Variants in BEAN1 observed in about 807,000 individuals in gnomAD.
BEAN1 encodes brain expressed associated with NEDD4 1, also known as protein BEAN1.
Under a neutral mutation model 17.7 loss-of-function variants are expected in BEAN1, and 17 were observed. The observed-to-expected ratio is 0.96, with a 90% CI of 0.66 to 1.44. The LOEUF is 1.44. Among genes scored for constraint, BEAN1 ranks in the 40% most tolerant of loss-of-function variants. The pLI is 0.00. For synonymous variants in BEAN1, 142 were observed against 151.8 expected (o/e 0.94, Z 0.47); for missense variants, 359 against 374.1 (o/e 0.96, Z 0.33).
At chr16:66,439,400 G>A (rs1176293773) in intron 2 of BEAN1, among the ~76,000 whole-genome samples, 1 of 152,208 alleles carries the variant, frequency 6.6e-6, no homozygotes, top group East Asian at 1.9e-4. Flanking sequence ...CACTGGGATG[G>A]TCATGTTCTT....
chr16:66,494,198 T>G (rs1295585596), downstream of BEAN1, among the ~76,000 whole-genome samples: 1 of 152,148 alleles, frequency 6.6e-6, no homozygotes, highest in African/African-American at 2.4e-5. Context: ...GGAGAGGTGC[T>G]AGACCTGGGA....
intron 4 of BEAN1, 108 bp downstream of exon 4, chr16:66,477,818 G>T: frequency 5.5e-6 from 7 of 1,283,248 alleles, no homozygotes; most frequent in Non-Finnish European, 7.2e-6. Flanking sequence ...TCGTATAAAT[G>T]CAGAAAACAT....
At chr16:66,477,965 C>A in intron 4 of BEAN1, 1 of 359,454 alleles carries the variant, frequency 2.8e-6, no homozygotes, top group Non-Finnish European at 5.0e-6. Flanking sequence ...GTTGAGTAGG[C>A]ATGCCGGGAA....
intron 2 of BEAN1, among the ~76,000 whole-genome samples, chr16:66,458,578 C>T (rs1239068765): frequency 1.5e-5 from 1 of 67,602 alleles, no homozygotes; most frequent in African/African-American, 6.0e-5. Context: ...CACCCCCAAA[C>T]CCCTCAGCCC....
At chr16:66,480,459 G>A (rs1963941690) in intron 4 of BEAN1, 127 bp from the exon 5 acceptor site, 1 of 702,088 alleles carries the variant, frequency 1.4e-6, no homozygotes, top group South Asian at 2.0e-5. Flanking sequence ...ATTGGAGCCA[G>A]CGTGGACAAG....
Position 66,459,796 on chromosome 16 carries a change from C to T in BEAN1, c.26-9806C>T, listed in dbSNP as rs560284484. 7.2e-5 allele frequency among the ~76,000 whole-genome samples: 11 copies of T among 152,314 alleles called. No homozygotes were observed. The South Asian group carries it at 8.3e-4, about 11-fold the overall frequency. ...TTCTCCTATAATGGAATTTGCCAGA[C>T]GGATTTATCACTGATGGGCAGCCCA... is the stretch of plus-strand genomic sequence containing the variant. On this transcript the variant is annotated intron_variant, in intron 2 of 4. Transcript: ENST00000536005.
downstream of BEAN1, among the ~76,000 whole-genome samples, chr16:66,495,004 G>A (rs1461773168): frequency 6.6e-6 from 1 of 152,170 alleles, no homozygotes; most frequent in Non-Finnish European, 1.5e-5. Flanking sequence ...AATTAAATAG[G>A]TGAAGGTCCC....
chr16:66,439,533 A>C (rs1273584422), intron 2 of BEAN1, among the ~76,000 whole-genome samples: 2 of 152,106 alleles, frequency 1.3e-5, no homozygotes, highest in African/African-American at 4.8e-5. Context: ...AGGCCATTGG[A>C]AGCTGGGTCC....
chr16:66,462,833 G>A (rs1963134516), intron 2 of BEAN1, among the ~76,000 whole-genome samples: 1 of 151,888 alleles, frequency 6.6e-6, no homozygotes, highest in African/African-American at 2.4e-5. Context: ...TGGGATATCT[G>A]CCTTCAAAGA....
At chr16:66,474,984 G>A (rs936510578) in intron 3 of BEAN1, among the ~76,000 whole-genome samples, 6 of 152,204 alleles carry the variant, frequency 3.9e-5, no homozygotes, top group African/African-American at 1.4e-4. Context: ...GAGCACAGCA[G>A]GTGCTCATGA....
intron 2 of BEAN1, chr16:66,451,316 C>T (rs1456747052): frequency 6.6e-6 from 1 of 152,250 alleles, no homozygotes; most frequent in Admixed American, 6.5e-5. Flanking sequence ...TTTAGAGAAT[C>T]TTCTTTCAAA....
Position 66,473,149 on chromosome 16 carries a change from T to C in BEAN1, c.289+3284T>C, listed in dbSNP as rs1223351817. 1.3e-5 allele frequency among the ~76,000 whole-genome samples: 2 copies of C among 152,204 alleles called. No homozygotes were observed. The highest frequency in any genetic ancestry group is 2.9e-5 in the Non-Finnish European group (2 of 68,030). On this transcript the variant is annotated intron_variant, in intron 3 of 4. Coordinates refer to ENST00000536005, the MANE Select transcript of BEAN1 (RefSeq NM_001178020.3). This position sits in a 1 kb window ranked among gnomAD's most constrained non-coding sequence, Gnocchi z 4.5. ...AGCTGAGAGGGCTGAGGGGTTGGCC[T>C]TGGCGCAGAGGAAAGAGATGGGCTT...
rs1962029019 is a variant in BEAN1 at position 66,436,511 on chromosome 16, C to G, written c.-82-1084C>G. Among the ~76,000 whole-genome samples, 5 of 151,038 alleles carry G rather than the reference C, an allele frequency of 3.3e-5. No individual in the cohort carries two copies. In the South Asian group the frequency reaches 1.1e-3, roughly 32 times the overall value. ...GCCAGGATGGTCTCGATCTCCTGAC[C>G]TTATGATCTGCCCGCCTCGGCCTCC... is the stretch of plus-strand genomic sequence containing the variant. On this transcript the variant is annotated intron_variant, in intron 1 of 4. Transcript: ENST00000536005.
intron 3 of BEAN1, among the ~76,000 whole-genome samples, chr16:66,476,109 C>CA (rs543784605): frequency 0.013 from 1,054 of 82,952 alleles, 10 homozygotes; most frequent in African/African-American, 0.026. Flanking sequence ...GACTCCGTCT[C>CA]AAAAAAAAAA....
chr16:66,469,437 G>C (rs1393264769), intron 2 of BEAN1, among the ~76,000 whole-genome samples, 165 bp from the exon 3 acceptor site: 1 of 152,170 alleles, frequency 6.6e-6, no homozygotes, highest in Non-Finnish European at 1.5e-5. Flanking sequence ...GTGAGGTGCT[G>C]CTCTCCTTCT....
At chr16:66,469,441 T>G (rs1310902461) in intron 2 of BEAN1, among the ~76,000 whole-genome samples, 161 bp from the exon 3 acceptor site, 1 of 152,162 alleles carries the variant, frequency 6.6e-6, no homozygotes, top group Non-Finnish European at 1.5e-5. Context: ...GGTGCTGCTC[T>G]CCTTCTCCCC....
intron 2 of BEAN1, among the ~76,000 whole-genome samples, chr16:66,457,708 C>G (rs1022927527): frequency 6.6e-6 from 1 of 152,016 alleles, no homozygotes; most frequent in Non-Finnish European, 1.5e-5. Context: ...CTGGCCTGTC[C>G]CCAGACCTCC....
At chr16:66,469,473 C>A in intron 2 of BEAN1, 129 bp from the exon 3 acceptor site, 1 of 1,160,190 alleles carries the variant, frequency 8.6e-7, no homozygotes, top group Non-Finnish European at 1.2e-6. Context: ...AGGATAGAGT[C>A]CGTGGGCCTG....
chr16:66,455,677 T>C (rs1266107740), intron 2 of BEAN1, among the ~76,000 whole-genome samples: 1 of 143,694 alleles, frequency 7.0e-6, no homozygotes, highest in Non-Finnish European at 1.5e-5. Flanking sequence ...AACACGCTTA[T>C]AATAAAGCTA....
Sources: allele counts gnomAD v4.1 joint callset (sites outside exome capture counted in the v4.1 genomes callset), GRCh38; gene constraint gnomAD v4.1.1; non-coding constraint Gnocchi (gnomAD v3.1); transcripts MANE v1.5; gene names NCBI Gene and HGNC (gene_info 2026-07-23, HGNC 2026-07-21).